Variants in DTD1 observed in about 807,000 individuals in gnomAD.
The protein encoded by DTD1 is D-tyrosyl-tRNA deacylase 1 homolog.
Under a neutral mutation model 25.6 loss-of-function variants are expected in DTD1, and 13 were observed. That is an observed-to-expected ratio of 0.51 (90% confidence interval 0.33 to 0.81). The LOEUF is 0.81. DTD1 is among the 30% of genes least tolerant of loss of function. The probability of loss-of-function intolerance (pLI) is 0.02; values close to 1 mark genes in which losing one functional copy is unlikely to be tolerated. For synonymous variants in DTD1, 110 were observed against 103.6 expected, an observed-to-expected ratio of 1.06 and a Z score of -0.37; for missense variants, 193 against 266.4, an observed-to-expected ratio of 0.72 and a Z score of 1.92.
Position 18,695,815 on chromosome 20 carries a change from C to T in DTD1, c.478-48285C>T, listed in dbSNP as rs116866798. Among the ~76,000 whole-genome samples, 1,173 of 151,484 alleles carry T rather than the reference C, an allele frequency of 7.7e-3. 8 individuals are homozygous for T. Among genetic ancestry groups the T allele is most frequent in the Middle Eastern group, 0.014 (4 of 294 alleles). On this transcript the variant is annotated intron_variant, in intron 4 of 5. Transcript: ENST00000377452. ...CCTCCCAAGTTGTTGGGACTACAGG[C>T]GCGTGCCACTACACAGGCTAATTTA... is the stretch of plus-strand genomic sequence containing the variant.
At chr20:18,593,238 G>A (rs1485789249) in intron 1 of DTD1, among the ~76,000 whole-genome samples, 1 of 152,108 alleles carries the variant, frequency 6.6e-6, no homozygotes, top group Admixed American at 6.5e-5. Context: ...TTATGTATTT[G>A]TCCTCATAGT....
chr20:18,617,799 T>C (rs755393422), intron 3 of DTD1, among the ~76,000 whole-genome samples: 19 of 152,346 alleles, frequency 1.2e-4, no homozygotes, highest in South Asian at 4.1e-4. Flanking sequence ...TGTGATGTAC[T>C]GTTTTATATC....
intron 4 of DTD1, among the ~76,000 whole-genome samples, chr20:18,633,966 G>A (rs1048105708): frequency 2.0e-5 from 3 of 152,208 alleles, no homozygotes; most frequent in Admixed American, 2.0e-4. Flanking sequence ...GCAGTGATAA[G>A]TTGGAAGGAG....
intron 3 of DTD1, among the ~76,000 whole-genome samples, chr20:18,612,351 A>G (rs1055489816): frequency 6.6e-5 from 10 of 151,968 alleles, no homozygotes; most frequent in African/African-American, 2.4e-4. Context: ...GTTTATTATT[A>G]TTGTTAGTTA....
chr20:18,592,785 C>T (rs770085504), intron 1 of DTD1, among the ~76,000 whole-genome samples: 7 of 151,024 alleles, frequency 4.6e-5, no homozygotes, highest in African/African-American at 7.3e-5. Flanking sequence ...TGGGTTCAAG[C>T]GATTCTCCTG....
At chr20:18,695,223 G>T (rs1385506749) in intron 4 of DTD1, among the ~76,000 whole-genome samples, 1 of 151,878 alleles carries the variant, frequency 6.6e-6, no homozygotes, top group Non-Finnish European at 1.5e-5. Flanking sequence ...GTAGCTGGCC[G>T]CAGAACCCAA....
At chr20:18,739,962 G>A (rs1286802918) in intron 4 of DTD1, among the ~76,000 whole-genome samples, 2 of 152,104 alleles carry the variant, frequency 1.3e-5, no homozygotes, top group Non-Finnish European at 2.9e-5. Flanking sequence ...TGGCAGAAAT[G>A]TGGGCTGTGC....
intron 4 of DTD1, among the ~76,000 whole-genome samples, chr20:18,649,521 T>C (rs2060865427): frequency 6.6e-6 from 1 of 151,714 alleles, no homozygotes; most frequent in Non-Finnish European, 1.5e-5. Flanking sequence ...GTATTTTTAG[T>C]AGAGATGGGG....
intron 4 of DTD1, among the ~76,000 whole-genome samples, chr20:18,652,024 C>T (rs1324417272): frequency 6.6e-6 from 1 of 152,212 alleles, no homozygotes; most frequent in Non-Finnish European, 1.5e-5. Flanking sequence ...AGCAGGCCAG[C>T]AGGCTTCCAT....
chr20:18,738,296 G>A (rs545186770), intron 4 of DTD1, among the ~76,000 whole-genome samples: 2 of 152,334 alleles, frequency 1.3e-5, no homozygotes, highest in South Asian at 4.1e-4. Flanking sequence ...CAAGTCACAT[G>A]ACCTTGCTGG....
chr20:18,714,373 A>G (rs1306465139), intron 4 of DTD1, among the ~76,000 whole-genome samples: 1 of 152,154 alleles, frequency 6.6e-6, no homozygotes, highest in Non-Finnish European at 1.5e-5. Flanking sequence ...AGCTGTTTTT[A>G]TTAACATAAA....
At chr20:18,737,714 C>G (rs907441959) in intron 4 of DTD1, among the ~76,000 whole-genome samples, 1 of 152,244 alleles carries the variant, frequency 6.6e-6, no homozygotes. Context: ...TTAGCCAGCC[C>G]TATTACTGGT....
chr20:18,613,943 A>G (rs1186016181), intron 3 of DTD1, among the ~76,000 whole-genome samples: 2 of 152,056 alleles, frequency 1.3e-5, no homozygotes, highest in African/African-American at 2.4e-5. Context: ...TAAATTGGAA[A>G]CACCCCCACT....
At chr20:18,630,004 T>C (rs1225644554) in intron 4 of DTD1, among the ~76,000 whole-genome samples, 2 of 151,960 alleles carry the variant, frequency 1.3e-5, no homozygotes, top group Non-Finnish European at 2.9e-5. Flanking sequence ...GAGATTTGGG[T>C]GGGGACACAA....
intron 4 of DTD1, among the ~76,000 whole-genome samples, chr20:18,731,752 AT>A (rs1324594401): frequency 6.6e-6 from 1 of 152,168 alleles, no homozygotes; most frequent in Non-Finnish European, 1.5e-5. Flanking sequence ...AATAAGCAAT[AT>A]TTATTGTCTG....
At chr20:18,649,840 C>T (rs1049604150) in intron 4 of DTD1, among the ~76,000 whole-genome samples, 24 of 152,122 alleles carry the variant, frequency 1.6e-4, no homozygotes, top group Admixed American at 1.0e-3. Context: ...GGTGTCAGAC[C>T]CCCATATTGT....
chr20:18,654,359 C>T (rs1285287628), intron 4 of DTD1, among the ~76,000 whole-genome samples: 3 of 152,154 alleles, frequency 2.0e-5, no homozygotes, highest in Non-Finnish European at 4.4e-5. Context: ...ATTGTGAGGC[C>T]TCCCTAGCCA....
intron 4 of DTD1, chr20:18,631,302 G>C: frequency 1.0e-6 from 1 of 984,506 alleles, no homozygotes; most frequent in Non-Finnish European, 1.2e-6. Context: ...TTTCAAGGTG[G>C]TGACATAGAG....
At chr20:18,735,048 G>A (rs911313616) in intron 4 of DTD1, among the ~76,000 whole-genome samples, 1 of 152,190 alleles carries the variant, frequency 6.6e-6, no homozygotes, top group Admixed American at 6.5e-5. Flanking sequence ...AAAAGTAATT[G>A]CAGAGGAGAT....
Sources: allele counts gnomAD v4.1 joint callset (sites outside exome capture counted in the v4.1 genomes callset), GRCh38; gene constraint gnomAD v4.1.1; transcripts MANE v1.5; gene names NCBI Gene and HGNC (gene_info 2026-07-23, HGNC 2026-07-21).